The following TMEM98 variants were observed in gnomAD, a reference collection of about 807,000 sequenced individuals.
The protein encoded by TMEM98 is transmembrane protein 98.
Under a neutral mutation model 25.0 loss-of-function variants are expected in TMEM98, and 18 were observed. That is an observed-to-expected ratio of 0.72 (90% confidence interval 0.50 to 1.07). The LOEUF is 1.07. Among genes scored for constraint, TMEM98 ranks in the 50% least tolerant of loss-of-function variants. TMEM98 has a pLI of 0.00. For synonymous variants in TMEM98, 103 were observed against 112.4 expected (o/e 0.92, Z 0.53); for missense variants, 241 against 289.0 (o/e 0.83, Z 1.20).
rs187979660 is a variant in TMEM98, at chr17:32,942,722, A to G, written c.*1729A>G. 6.3e-4 allele frequency: 96 copies of G among 152,338 alleles called. 1 individual carries two copies. The highest frequency in any genetic ancestry group is 6.8e-3 in the Middle Eastern group (2 of 294). 9.4% of individuals were successfully genotyped at this position (152,338 alleles called of 1,614,324 possible). A position where few individuals can be genotyped will look rare whatever the true frequency, so the allele number is the denominator to read the frequency against. On this transcript the variant is annotated 3_prime_UTR_variant, in exon 8 of 8. Transcript: ENST00000579849. ...GGATTGGTGGCTTCCATCAACTCTT[A>G]AAAACGTTAAGTGGTGAACTTTCCC...
intron 6 of TMEM98, among the ~76,000 whole-genome samples, chr17:32,938,970 G>C (rs993355804): frequency 4.6e-5 from 7 of 152,178 alleles, no homozygotes; most frequent in African/African-American, 1.7e-4. Context: ...AACAAAACTA[G>C]AAAACAAAGT....
At chr17:32,937,357 G>C (rs557972487) in intron 6 of TMEM98, among the ~76,000 whole-genome samples, 4 of 152,172 alleles carry the variant, frequency 2.6e-5, no homozygotes, top group African/African-American at 4.8e-5. Flanking sequence ...GAGTTGCCAC[G>C]TGAGTTCCTC....
rs1367395156 is a variant in TMEM98 at position 32,928,547 on chromosome 17, C to T, written c.-131+310C>T. On this transcript the variant is annotated intron_variant, in intron 1 of 7. Coordinates refer to ENST00000579849, the MANE Select transcript of TMEM98 (RefSeq NM_015544.3). ...TGTTCTGTCCTTGTGGTTCTGGAAC[C>T]GGAGGGGAAGGGGGAAAGTAAGGGA... Among the ~76,000 whole-genome samples, 6 of 151,244 alleles carry T rather than the reference C, an allele frequency of 4.0e-5. No homozygotes were observed. The East Asian group carries it at 9.9e-4, about 25-fold the overall frequency.
Position 32,941,270 on chromosome 17 carries a change from A to C in TMEM98, c.*277A>C, listed in dbSNP as rs2091529673. The C allele has an allele frequency of 7.3e-6, 2 of 274,296 alleles. No individual in the cohort carries two copies. Among genetic ancestry groups the C allele is most frequent in the Non-Finnish European group, 1.4e-5 (2 of 145,704 alleles). The allele number at this position is 274,296 out of a possible 1,614,324, so 17.0% of individuals were successfully genotyped here. On this transcript the variant is annotated 3_prime_UTR_variant, in exon 8 of 8. Transcript: ENST00000579849. ...AACTGGTGGACTGTCAGCTTTATTT[A>C]GCTCACCTAGTGTTTTCAAGAAAAT...
At chr17:32,929,017 TCA>T (rs923619272) in intron 1 of TMEM98, among the ~76,000 whole-genome samples, 3 of 147,402 alleles carry the variant, frequency 2.0e-5, no homozygotes, top group Admixed American at 6.8e-5. Flanking sequence ...CACACTCAGC[TCA>T]CACACACAAG....
At chr17:32,933,777 T>C (rs998896378) in intron 4 of TMEM98, among the ~76,000 whole-genome samples, 2 of 152,222 alleles carry the variant, frequency 1.3e-5, no homozygotes, top group East Asian at 1.9e-4. Flanking sequence ...GCTGCAGATA[T>C]TGAAACGGTT....
chr17:32,928,958 C>G (rs1053188734), intron 1 of TMEM98, among the ~76,000 whole-genome samples: 4 of 144,852 alleles, frequency 2.8e-5, no homozygotes, highest in Non-Finnish European at 4.4e-5. Flanking sequence ...ATTCAGTTCA[C>G]ACACACTCAG....
At chr17:32,931,698 TCTAA>T (rs752551213) in intron 3 of TMEM98, 39 bp downstream of exon 3, 2 of 1,586,806 alleles carry the variant, frequency 1.3e-6, no homozygotes, top group Non-Finnish European at 1.7e-6. Flanking sequence ...AGGGGTGGGC[TCTAA>T]CTAAAGAAAA....
intron 1 of TMEM98, among the ~76,000 whole-genome samples, chr17:32,929,865 C>T (rs1439216209): frequency 6.6e-6 from 1 of 152,148 alleles, no homozygotes; most frequent in Non-Finnish European, 1.5e-5. Context: ...CACAGTTACT[C>T]TCTTTTCTGT....
chr17:32,933,582 T>G (rs983424018), intron 4 of TMEM98, among the ~76,000 whole-genome samples: 15 of 152,226 alleles, frequency 9.9e-5, no homozygotes, highest in African/African-American at 3.6e-4. Flanking sequence ...TATCCTTGAG[T>G]GCCCATAAAT....
intron 5 of TMEM98, among the ~76,000 whole-genome samples, 191 bp from the exon 6 acceptor site, chr17:32,936,141 C>T (rs2091494805): frequency 6.6e-6 from 1 of 152,206 alleles, no homozygotes; most frequent in African/African-American, 2.4e-5. Context: ...CCCAGGTCCT[C>T]TCCCAGCCAT....
In TMEM98 at chr17:32,940,779, TCCCTAGGAC is replaced by T; in HGVS notation, c.474-6_476del. ...GAAACCTGACCCTATTTTCTTTTTT[TCCCTAGGAC>T]GACTGCCCTGCTCCTGTCTGTCAGT... is the stretch of plus-strand genomic sequence containing the variant. On this transcript the variant is annotated splice_acceptor_variant and splice_polypyrimidine_tract_variant and coding_sequence_variant and intron_variant, in exon 8 of 8. Coordinates refer to ENST00000579849, the MANE Select transcript of TMEM98 (RefSeq NM_015544.3). LOFTEE classifies it high-confidence loss of function. 6.2e-7 allele frequency: 1 copy of T among 1,606,796 alleles called. No homozygotes were observed. The highest frequency in any genetic ancestry group is 8.5e-7 in the Non-Finnish European group (1 of 1,178,016).
At chr17:32,936,010 G>C (rs1365276219) in intron 5 of TMEM98, among the ~76,000 whole-genome samples, 2 of 152,162 alleles carry the variant, frequency 1.3e-5, no homozygotes, top group African/African-American at 4.8e-5. Context: ...AATAGAAAAA[G>C]AAAGTAGGTT....
In TMEM98 at chr17:32,931,373, T is replaced by C; in HGVS notation, c.-84T>C. On this transcript the variant is annotated 5_prime_UTR_variant, in exon 2 of 8. Transcript: ENST00000579849. ...TCGTGGAGGAACCTAGCACCTGCCA[T>C]CCTCTTCCCCAATTTGCCACTTCCA... 2.0e-6 allele frequency: 2 copies of C among 977,426 alleles called. No individual in the cohort carries two copies. Among genetic ancestry groups the C allele is most frequent in the Non-Finnish European group, 2.9e-6 (2 of 680,144 alleles). 60.5% of individuals were successfully genotyped at this position (977,426 alleles called of 1,614,324 possible). A position where few individuals can be genotyped will look rare whatever the true frequency, so the allele number is the denominator to read the frequency against.
intron 7 of TMEM98, among the ~76,000 whole-genome samples, chr17:32,939,956 T>C (rs2091519837): frequency 6.6e-6 from 1 of 152,194 alleles, no homozygotes; most frequent in Non-Finnish European, 1.5e-5. Flanking sequence ...GCCACAGCTG[T>C]GCTCACCTGC....
intron 3 of TMEM98, among the ~76,000 whole-genome samples, chr17:32,932,860 C>T (rs541335442): frequency 2.6e-5 from 4 of 152,176 alleles, no homozygotes; most frequent in Non-Finnish European, 5.9e-5. Context: ...ATAATTTTGT[C>T]CTGAAGGGAT....
Position 32,941,288 on chromosome 17 carries a change from A to G in TMEM98, c.*295A>G. The G allele has an allele frequency of 4.3e-6, 1 of 230,370 alleles. No homozygotes were observed. The highest frequency in any genetic ancestry group is 8.4e-6 in the Non-Finnish European group (1 of 118,502). 14.3% of individuals were successfully genotyped at this position (230,370 alleles called of 1,614,324 possible). A position where few individuals can be genotyped will look rare whatever the true frequency, so the allele number is the denominator to read the frequency against. On this transcript the variant is annotated 3_prime_UTR_variant, in exon 8 of 8. Coordinates refer to ENST00000579849, the MANE Select transcript of TMEM98 (RefSeq NM_015544.3). ...TTTATTTAGCTCACCTAGTGTTTTC[A>G]AGAAAATTGAGCCACCGTCTAAGAA... is the stretch of plus-strand genomic sequence containing the variant.
At chr17:32,938,896 A>G (rs958260169) in intron 6 of TMEM98, among the ~76,000 whole-genome samples, 10 of 152,238 alleles carry the variant, frequency 6.6e-5, no homozygotes, top group African/African-American at 2.4e-4. Flanking sequence ...CCTTTTTAAT[A>G]TAGTAGTAAT....
intron 3 of TMEM98, among the ~76,000 whole-genome samples, chr17:32,932,079 C>G (rs1410199267): frequency 2.0e-5 from 3 of 147,088 alleles, no homozygotes; most frequent in Admixed American, 2.0e-4. Flanking sequence ...GACTGTTTCT[C>G]TCTTTGCACA....
Sources: allele counts gnomAD v4.1 joint callset (sites outside exome capture counted in the v4.1 genomes callset), GRCh38; gene constraint gnomAD v4.1.1; transcripts MANE v1.5; gene names NCBI Gene and HGNC (gene_info 2026-07-23, HGNC 2026-07-21).